Variants in DNAAF9 observed in about 807,000 individuals in gnomAD.
DNAAF9 encodes the protein dynein axonemal assembly factor 9, also known as shulin.
In DNAAF9, 90 loss-of-function variants were observed where a neutral mutation model predicts 167.0. The observed-to-expected ratio is 0.54, with a 90% confidence interval of 0.45 to 0.64. The LOEUF (loss-of-function observed/expected upper bound fraction) is 0.64, where lower values mean the gene tolerates loss of function less well. DNAAF9 is among the 30% of genes least tolerant of loss of function. The pLI, the probability that DNAAF9 is intolerant of heterozygous loss-of-function variation, is 0.00. For synonymous variants in DNAAF9, 491 were observed against 508.8 expected, an observed-to-expected ratio of 0.96 and a Z score of 0.47; for missense variants, 1,315 against 1,442.2, an observed-to-expected ratio of 0.91 and a Z score of 1.43.
chr20:3,318,549 A>G (rs1046503209), intron 16 of DNAAF9, 149 bp from the exon 17 acceptor site: 1 of 554,106 alleles, frequency 1.8e-6, no homozygotes, highest in African/African-American at 1.9e-5. Flanking sequence ...TCCTAAATAC[A>G]TCTTTGAACT....
At chr20:3,258,963 ACTGACTCCTACT>A (rs1235592471) in intron 33 of DNAAF9, among the ~76,000 whole-genome samples, 2 of 152,134 alleles carry the variant, frequency 1.3e-5, no homozygotes, top group African/African-American at 4.8e-5. Context: ...CATTGAGTTG[ACTGACTCCTACT>A]GGTTTTGAGG....
rs1258382355 is a variant in DNAAF9, at chr20:3,394,942, C to CTTTTTTTTTTTTTTTT, written c.84-12437_84-12436insAAAAAAAAAAAAAAAA. On this transcript the variant is annotated intron_variant, in intron 1 of 36. Transcript: ENST00000252032. Reference sequence around the variant, plus strand: ...TTCCATGGCTTTTACTGAACATTTTCTTTTTTCTTTTTTTTTTTTTTTTTT... The same window carrying CTTTTTTTTTTTTTTTT: ...TTCCATGGCTTTTACTGAACATTTTCTTTTTTTTTTTTTTTTTTTTTTCTTTTTTTTTTTTTTTTTT... Among the ~76,000 whole-genome samples the CTTTTTTTTTTTTTTTT allele has an allele frequency of 2.8e-4, 25 of 89,014 alleles. 8 individuals carry two copies. Among genetic ancestry groups the CTTTTTTTTTTTTTTTT allele is most frequent in the Admixed American group, 5.9e-4 (4 of 6,756 alleles). 58.4% of individuals were successfully genotyped at this position (89,014 alleles called of 152,430 possible). A position where few individuals can be genotyped will look rare whatever the true frequency, so the allele number is the denominator to read the frequency against.
At position 3,311,921 on chromosome 20, in the gene DNAAF9, G is replaced by A. The variant is rs181925762; in HGVS notation, c.1678+3112C>T. ...TTGTGATAGCAGACACCACTAACTG[G>A]TGAAGAGAAACAGTTCTAGAGCTGA... On this transcript the variant is annotated intron_variant, in intron 20 of 36. Transcript: ENST00000252032. Among the ~76,000 whole-genome samples the A allele has an allele frequency of 1.7e-3, 255 of 152,164 alleles. 4 individuals carry two copies. Among genetic ancestry groups the A allele is most frequent in the Admixed American group, 0.015 (231 of 15,288 alleles).
In DNAAF9 at chr20:3,316,744, T is replaced by G; in HGVS notation, c.1518A>C (p.Val506=). 1 of 1,613,660 alleles carries G rather than the reference T, an allele frequency of 6.2e-7. No homozygotes were observed. The highest frequency in any genetic ancestry group is 8.5e-7 in the Non-Finnish European group (1 of 1,179,636). Residue 506 remains valine (V), a synonymous_variant, in exon 18 of 37, where the codon GTA becomes GTC. Transcript: ENST00000252032. ...TAACCAGCCAGGAGCAGAATCTGGG[T>G]ACAGCAGCAGTCAGGACTACGGAGC... is the stretch of plus-strand genomic sequence containing the variant. ...ETSSVVLTAA[V]PRFCSWLVED... is the part of the protein sequence containing the mutation.
At chr20:3,285,728 C>A (rs1453742059) in intron 27 of DNAAF9, among the ~76,000 whole-genome samples, 1 of 147,306 alleles carries the variant, frequency 6.8e-6, no homozygotes, top group African/African-American at 2.5e-5. Flanking sequence ...CCTGTAATTG[C>A]AGCACTTTGG....
chr20:3,334,737 T>C (rs1357350851), intron 10 of DNAAF9, among the ~76,000 whole-genome samples: 1 of 152,274 alleles, frequency 6.6e-6, no homozygotes, highest in Non-Finnish European at 1.5e-5. Flanking sequence ...TTCTGAATTT[T>C]AGCCATTCTA....
At chr20:3,322,493 C>A (rs1333578669) in intron 15 of DNAAF9, among the ~76,000 whole-genome samples, 159 bp downstream of exon 15, 3 of 152,134 alleles carry the variant, frequency 2.0e-5, no homozygotes. Flanking sequence ...ACTCAGGGTA[C>A]AGGGGCTCAG....
chr20:3,298,116 G>A lies in DNAAF9; in HGVS notation c.1842C>T (p.His614=). ...LIDFKSSLLP[H]LPVHFHGSSN... ...TTGATCCATGGAAATGAACTGGGAG[G>A]TGAGGAAGCAATGAGCTTTTGAAGT... The change falls in exon 22 of 37, where the codon CAC becomes CAT. Residue 614 remains histidine (H), a synonymous_variant. Transcript: ENST00000252032. 1.9e-6 allele frequency: 3 copies of A among 1,612,546 alleles called. No individual in the cohort carries two copies. The highest frequency in any genetic ancestry group is 2.5e-6 in the Non-Finnish European group (3 of 1,178,540).
intron 6 of DNAAF9, among the ~76,000 whole-genome samples, chr20:3,371,949 G>T (rs994943764): frequency 2.6e-5 from 4 of 152,150 alleles, no homozygotes; most frequent in African/African-American, 9.7e-5. Context: ...TCCCTGTACT[G>T]CTTCCCAGGA....
At chr20:3,373,946 C>T (rs2123221530) in intron 6 of DNAAF9, 102 bp downstream of exon 6, 1 of 709,984 alleles carries the variant, frequency 1.4e-6, no homozygotes, top group Admixed American at 2.2e-5. Flanking sequence ...TGTGAGGTAA[C>T]TGCCAGCTTT....
intron 30 of DNAAF9, among the ~76,000 whole-genome samples, chr20:3,264,803 C>T (rs539675770): frequency 8.1e-4 from 123 of 152,312 alleles, no homozygotes; most frequent in African/African-American, 2.8e-3. Context: ...CTCCTGACCT[C>T]ATGATCCGCC....
intron 20 of DNAAF9, chr20:3,306,934 CCTG>C (rs2069308715): frequency 1.0e-6 from 1 of 985,258 alleles, no homozygotes; most frequent in Admixed American, 6.1e-5. Context: ...AGAAACTGCT[CCTG>C]CTGCTGAGTG....
intron 29 of DNAAF9, among the ~76,000 whole-genome samples, chr20:3,272,003 T>C (rs2068602961): frequency 6.6e-6 from 1 of 152,082 alleles, no homozygotes. Flanking sequence ...TTTCAGGAAC[T>C]ACCAACACTC....
intron 1 of DNAAF9, among the ~76,000 whole-genome samples, chr20:3,388,156 A>C (rs2083777856): frequency 6.6e-6 from 1 of 152,018 alleles, no homozygotes; most frequent in Non-Finnish European, 1.5e-5. Context: ...GAAACTCAAC[A>C]CCTCTAATCA....
At chr20:3,377,953 A>G (rs1568637989) in intron 3 of DNAAF9, among the ~76,000 whole-genome samples, 1 of 152,186 alleles carries the variant, frequency 6.6e-6, no homozygotes, top group Admixed American at 6.5e-5. Context: ...TTTGGTTTAC[A>G]GCTTCAAAGT....
chr20:3,380,011 G>C (rs777785811), intron 3 of DNAAF9, among the ~76,000 whole-genome samples: 1 of 152,132 alleles, frequency 6.6e-6, no homozygotes, highest in African/African-American at 2.4e-5. Context: ...AGCCAAGATC[G>C]CACAACTGCA....
At chr20:3,375,320 A>G (rs1353168295) in intron 4 of DNAAF9, among the ~76,000 whole-genome samples, 194 bp from the exon 5 acceptor site, 1 of 152,184 alleles carries the variant, frequency 6.6e-6, no homozygotes, top group Admixed American at 6.5e-5. Context: ...TTCATATTAT[A>G]CCCAAAAATC....
chr20:3,332,575 C>G (rs59397191), intron 10 of DNAAF9, among the ~76,000 whole-genome samples: 6,676 of 151,664 alleles, frequency 0.044, 218 homozygotes, highest in African/African-American at 0.093. Context: ...TGCCTCAGCA[C>G]CCCCAGCAGC....
intron 20 of DNAAF9, among the ~76,000 whole-genome samples, chr20:3,308,463 C>T (rs924699038): frequency 2.6e-5 from 4 of 151,564 alleles, no homozygotes; most frequent in African/African-American, 9.7e-5. Flanking sequence ...GTGCCTCAGC[C>T]TCCCAAGTAG....
Sources: gnomAD v4.1 joint callset for allele counts (sites outside exome capture counted in the v4.1 genomes callset) on GRCh38, gnomAD v4.1.1 for gene constraint, MANE v1.5 for transcripts, NCBI Gene and HGNC (gene_info 2026-07-23, HGNC 2026-07-21) for gene names.